SCFD2: variants seen among roughly 807,000 people sequenced by gnomAD.
The protein encoded by SCFD2 is sec1 family domain-containing protein 2.
A neutral mutation model predicts 58.9 loss-of-function variants in SCFD2; 54 were observed. The ratio of observed to expected loss-of-function variants is 0.92; its 90% confidence interval spans 0.74 to 1.15. The LOEUF is 1.15. Ranked by LOEUF, SCFD2 falls within the 50% of genes most tolerant of loss-of-function variation. The probability of loss-of-function intolerance (pLI) is 0.00; values close to 1 mark genes in which losing one functional copy is unlikely to be tolerated. For missense variants in SCFD2, 805 were observed against 836.6 expected (o/e 0.96, Z 0.47); for synonymous variants, 321 against 335.9 (o/e 0.96, Z 0.49).
At chr4:53,214,661 A>T (rs1728750333) in intron 4 of SCFD2, among the ~76,000 whole-genome samples, 1 of 151,970 alleles carries the variant, frequency 6.6e-6, no homozygotes, top group African/African-American at 2.4e-5. Context: ...GTTTAATTAG[A>T]TCCCATTTGT....
intron 4 of SCFD2, among the ~76,000 whole-genome samples, chr4:53,160,704 C>A (rs1054313443): frequency 6.6e-6 from 1 of 152,026 alleles, no homozygotes; most frequent in African/African-American, 2.4e-5. Flanking sequence ...GGGTGAGAGG[C>A]AGGAAAGGTA....
intron 4 of SCFD2, among the ~76,000 whole-genome samples, chr4:53,159,752 A>G (rs1167761892): frequency 6.6e-6 from 1 of 152,168 alleles, no homozygotes. Context: ...CCCATCCAGG[A>G]TGTCACCATG....
chr4:53,202,781 T>C (rs886294469), intron 4 of SCFD2, among the ~76,000 whole-genome samples: 1 of 152,116 alleles, frequency 6.6e-6, no homozygotes, highest in East Asian at 1.9e-4. Context: ...TTATTCTCTT[T>C]GAAGCAATTG....
intron 3 of SCFD2, among the ~76,000 whole-genome samples, chr4:53,278,512 G>C (rs1236978437): frequency 1.3e-5 from 2 of 150,992 alleles, no homozygotes; most frequent in Admixed American, 6.6e-5. Flanking sequence ...CTGGGCGACA[G>C]AGTGAGACTC....
intron 4 of SCFD2, among the ~76,000 whole-genome samples, chr4:53,165,560 CCT>C (rs1440961130): frequency 1.3e-5 from 2 of 152,174 alleles, no homozygotes; most frequent in Admixed American, 6.5e-5. Flanking sequence ...CTGCTCCCAC[CCT>C]GACTCTTCCC....
intron 2 of SCFD2, among the ~76,000 whole-genome samples, chr4:53,320,984 C>G (rs956716444): frequency 1.3e-5 from 2 of 152,046 alleles, no homozygotes; most frequent in Non-Finnish European, 2.9e-5. Flanking sequence ...AATATTTATT[C>G]TATGAAATAT....
chr4:53,365,989 C>A lies in SCFD2; in HGVS notation c.-48G>T. ...GAAACTACGGTGCAGGAACTTCTTTCAGAACTCACCGCTTCCGGAAATTGG... is the reference window on the plus strand; with the variant it reads ...GAAACTACGGTGCAGGAACTTCTTTAAGAACTCACCGCTTCCGGAAATTGG... On this transcript the variant is annotated 5_prime_UTR_variant, in exon 1 of 9. Transcript: ENST00000401642. This position sits in a 1 kb window ranked among gnomAD's most constrained non-coding sequence, Gnocchi z 4.3. The A allele has an allele frequency of 6.7e-7, 1 of 1,500,358 alleles. No individual in the cohort carries two copies. Among genetic ancestry groups the A allele is most frequent in the East Asian group, 2.3e-5 (1 of 43,926 alleles). 92.9% of individuals were successfully genotyped at this position (1,500,358 alleles called of 1,614,324 possible).
At chr4:53,354,940 A>G (rs527299703) in intron 1 of SCFD2, among the ~76,000 whole-genome samples, 42 of 152,166 alleles carry the variant, frequency 2.8e-4, no homozygotes, top group African/African-American at 8.9e-4. Context: ...AGGATTTGAG[A>G]TCCTAAATTA....
chr4:53,116,664 C>G (rs1218229025), intron 5 of SCFD2, among the ~76,000 whole-genome samples: 1 of 152,128 alleles, frequency 6.6e-6, no homozygotes, highest in East Asian at 1.9e-4. Context: ...CTTCTGAATC[C>G]AATTATACCT....
chr4:53,001,953 G>A (rs1721873331), intron 5 of SCFD2, among the ~76,000 whole-genome samples: 1 of 152,220 alleles, frequency 6.6e-6, no homozygotes, highest in Admixed American at 6.5e-5. Context: ...AATCCAAGGT[G>A]TCCACGTACA....
intron 7 of SCFD2, among the ~76,000 whole-genome samples, chr4:52,901,470 C>T (rs781008141): frequency 6.6e-6 from 1 of 152,142 alleles, no homozygotes; most frequent in Non-Finnish European, 1.5e-5. Context: ...AGGATGCTGG[C>T]CCTTGGAATG....
intron 5 of SCFD2, among the ~76,000 whole-genome samples, chr4:53,058,739 G>A (rs1042990150): frequency 1.3e-5 from 2 of 152,112 alleles, no homozygotes; most frequent in African/African-American, 4.8e-5. Context: ...AATTGCTTAA[G>A]ACACAATGGT....
In SCFD2 at chr4:53,317,349, A is replaced by T. The variant is rs1216675239; in HGVS notation, c.1008-3586T>A. On this transcript the variant is annotated intron_variant, in intron 2 of 8. Coordinates refer to ENST00000401642, the MANE Select transcript of SCFD2 (RefSeq NM_152540.4). ...CCTGCACCCACTTCTTCACCAAGTCACTCTATTACTGCAATGTGGTAATTC... is the reference window on the plus strand; with the variant it reads ...CCTGCACCCACTTCTTCACCAAGTCTCTCTATTACTGCAATGTGGTAATTC... 2.6e-5 allele frequency among the ~76,000 whole-genome samples: 4 copies of T among 152,180 alleles called. No individual in the cohort carries two copies. In the East Asian group the frequency reaches 7.7e-4, roughly 29 times the overall value.
intron 4 of SCFD2, among the ~76,000 whole-genome samples, chr4:53,177,533 G>A (rs975677423): frequency 6.6e-6 from 1 of 152,206 alleles, no homozygotes; most frequent in Non-Finnish European, 1.5e-5. Flanking sequence ...GACTGGGAGA[G>A]GAGCCAAGAT....
chr4:53,240,815 T>C (rs901454985), intron 4 of SCFD2, among the ~76,000 whole-genome samples: 2 of 152,216 alleles, frequency 1.3e-5, no homozygotes, highest in African/African-American at 4.8e-5. Context: ...TGCTATCCAG[T>C]GCCTTGAGTT....
At chr4:53,299,377 T>G (rs1269020035) in intron 3 of SCFD2, among the ~76,000 whole-genome samples, 2 of 151,946 alleles carry the variant, frequency 1.3e-5, no homozygotes, top group African/African-American at 2.4e-5. Flanking sequence ...AAATGAAGCA[T>G]GAAGAGAAGT....
intron 4 of SCFD2, among the ~76,000 whole-genome samples, chr4:53,201,632 G>C (rs1449567971): frequency 6.6e-6 from 1 of 152,072 alleles, no homozygotes; most frequent in East Asian, 1.9e-4. Flanking sequence ...CTAGTTTACA[G>C]TCCCACCAAC....
chr4:52,910,116 C>T (rs1719446561), intron 6 of SCFD2, among the ~76,000 whole-genome samples: 1 of 152,216 alleles, frequency 6.6e-6, no homozygotes, highest in Non-Finnish European at 1.5e-5. Flanking sequence ...TACCAGCTGG[C>T]TAAAAGACTA....
At chr4:53,238,850 G>C (rs1188695279) in intron 4 of SCFD2, among the ~76,000 whole-genome samples, 1 of 151,026 alleles carries the variant, frequency 6.6e-6, no homozygotes, top group African/African-American at 2.4e-5. Context: ...GATGGCGGCC[G>C]GGCGGAGACG....
Sources: gnomAD v4.1 joint callset for allele counts (sites outside exome capture counted in the v4.1 genomes callset) on GRCh38, gnomAD v4.1.1 for gene constraint, Gnocchi (gnomAD v3.1) non-coding constraint, MANE v1.5 for transcripts, NCBI Gene and HGNC (gene_info 2026-07-23, HGNC 2026-07-21) for gene names.